OR10J1: variants seen among roughly 807,000 people sequenced by gnomAD.
OR10J1 encodes the protein olfactory receptor family 10 subfamily J member 1, also known as olfactory receptor 10J1.
For missense variants in OR10J1, 474 were observed against 376.6 expected (o/e 1.26, Z -2.14); for synonymous variants, 202 against 143.8 (o/e 1.40, Z -2.89).
chr1:159,427,741 G>T, the OR10J1 span, among the ~76,000 whole-genome samples: 1 of 152,004 alleles, frequency 6.6e-6, no homozygotes, highest in Non-Finnish European at 1.5e-5. Context: ...TAAAGAGGCT[G>T]CTAATTGCAA....
At chr1:159,412,937 A>C in the OR10J1 span, among the ~76,000 whole-genome samples, 4,010 of 152,146 alleles carry the variant, frequency 0.026, 174 homozygotes, top group African/African-American at 0.092. Context: ...CAACCTACTC[A>C]TCTGACAAAG....
chr1:159,401,675 A>G, the OR10J1 span, among the ~76,000 whole-genome samples: 1 of 151,772 alleles, frequency 6.6e-6, no homozygotes, highest in Non-Finnish European at 1.5e-5. Context: ...AACATTTAAA[A>G]AACTAATACC....
chr1:159,398,710 T>C, the OR10J1 span, among the ~76,000 whole-genome samples: 1 of 151,834 alleles, frequency 6.6e-6, no homozygotes, highest in East Asian at 1.9e-4. Context: ...AAATATACTG[T>C]CAGAGGAGAC....
chr1:159,439,933 A>G lies in OR10J1; in HGVS notation c.142A>G (p.Ile48Val), dbSNP rs1379147342. ...AGCAGGCAATATCATCATTGTGACCATCATCCGAATGGATCTTCATCTTCA... is the reference window on the plus strand; with the variant it reads ...AGCAGGCAATATCATCATTGTGACCGTCATCCGAATGGATCTTCATCTTCA... ...TLAGNIIIVT[I>V]IRMDLHLHTP... The change falls in exon 1 of 1, where the codon ATC becomes GTC. Residue 48 changes from isoleucine to valine, a missense_variant. Ile to Val is a conservative substitution (Grantham distance 29). Coordinates refer to ENST00000423932, the MANE Select transcript of OR10J1 (RefSeq NM_012351.3). 1.9e-6 allele frequency: 3 copies of G among 1,614,124 alleles called. No individual in the cohort carries two copies. Among genetic ancestry groups the G allele is most frequent in the Non-Finnish European group, 1.7e-6 (2 of 1,179,998 alleles).
the OR10J1 span, among the ~76,000 whole-genome samples, chr1:159,426,722 G>A: frequency 1.3e-5 from 2 of 151,628 alleles, no homozygotes; most frequent in African/African-American, 2.4e-5. Context: ...GATCCCAAAG[G>A]ATGTCTCAAT....
At chr1:159,433,753 C>T (rs71632665), upstream of OR10J1, among the ~76,000 whole-genome samples, 2,376 of 152,256 alleles carry the variant, frequency 0.016, 53 homozygotes, top group East Asian at 0.061. Flanking sequence ...TCTGCTTCTG[C>T]GGAACCTGAC....
the OR10J1 span, among the ~76,000 whole-genome samples, chr1:159,424,507 G>T: frequency 1.5e-3 from 223 of 150,450 alleles, 1 homozygote; most frequent in Middle Eastern, 0.025. Context: ...ACATGTATGT[G>T]TGTGTATATA....
At chr1:159,434,824 C>T (rs1315188991), upstream of OR10J1, among the ~76,000 whole-genome samples, 1 of 152,094 alleles carries the variant, frequency 6.6e-6, no homozygotes, top group East Asian at 1.9e-4. Flanking sequence ...TCAGTGCCTT[C>T]TCCACCACCA....
chr1:159,436,690 C>T (rs1283733919), upstream of OR10J1, among the ~76,000 whole-genome samples: 1 of 151,754 alleles, frequency 6.6e-6, no homozygotes, highest in East Asian at 1.9e-4. Context: ...AAAAGTATCA[C>T]TTCCTTAAGA....
chr1:159,402,986 A>T, the OR10J1 span, among the ~76,000 whole-genome samples: 3 of 152,144 alleles, frequency 2.0e-5, no homozygotes, highest in African/African-American at 7.2e-5. Context: ...TTTTAAACAA[A>T]GGTACCTAGA....
rs745771016 is a variant in OR10J1 at position 159,440,255 on chromosome 1, T to C, written c.464T>C (p.Val155Ala). 6.2e-7 allele frequency: 1 copy of C among 1,614,138 alleles called. No individual in the cohort carries two copies. The highest frequency in any genetic ancestry group is 1.1e-5 in the South Asian group (1 of 91,082). Residue 155 changes from valine (V) to alanine (A), a missense_variant, in exon 1 of 1, where the codon GTA (valine) becomes GCA (alanine). Transcript: ENST00000423932. ...GGGGCCTGCAGCATTGGGCTGATTG[T>C]AGCAATAACGCAAGTGACATCTGTA... ...VLGACSIGLI[V>A]AITQVTSVFR... is the part of the protein sequence containing the mutation.
At chr1:159,426,292 T>C in the OR10J1 span, among the ~76,000 whole-genome samples, 1 of 151,882 alleles carries the variant, frequency 6.6e-6, no homozygotes, top group Non-Finnish European at 1.5e-5. Context: ...AATCTACCAC[T>C]TCAATTTTTT....
At chr1:159,412,833 A>C in the OR10J1 span, among the ~76,000 whole-genome samples, 1 of 151,750 alleles carries the variant, frequency 6.6e-6, no homozygotes, top group African/African-American at 2.4e-5. Context: ...CAAAATTGAC[A>C]AATGGGATCT....
the OR10J1 span, among the ~76,000 whole-genome samples, chr1:159,418,617 G>T: frequency 6.6e-6 from 1 of 152,198 alleles, no homozygotes; most frequent in African/African-American, 2.4e-5. Context: ...GAGAACCTCT[G>T]CTTGGGCAGT....
the OR10J1 span, among the ~76,000 whole-genome samples, chr1:159,430,865 C>A: frequency 6.6e-6 from 1 of 152,202 alleles, no homozygotes; most frequent in East Asian, 1.9e-4. Context: ...ATGAAGTAGA[C>A]ATTATTATTC....
Position 159,439,848 on chromosome 1 carries a change from C to T in OR10J1, c.57C>T (p.Ser19=). ...ACTTTGTTTTCCAAGGTTTCTCTAG[C>T]TTCCATGAGCAGCAGATCACCCTTT... The part of the protein sequence containing the change: ...ITDFVFQGFS[S]FHEQQITLFG... The change falls in exon 1 of 1, where the codon AGC becomes AGT. Residue 19 remains serine, a synonymous_variant. Coordinates refer to ENST00000423932, the MANE Select transcript of OR10J1 (RefSeq NM_012351.3). 4 of 1,614,176 alleles carry T rather than the reference C, an allele frequency of 2.5e-6. No homozygotes were observed. The highest frequency in any genetic ancestry group is 3.4e-6 in the Non-Finnish European group (4 of 1,180,016).
At chr1:159,424,833 T>C in the OR10J1 span, among the ~76,000 whole-genome samples, 1 of 152,040 alleles carries the variant, frequency 6.6e-6, no homozygotes, top group African/African-American at 2.4e-5. Context: ...TATTTCAAAA[T>C]ACTTGAAAAA....
chr1:159,432,808 C>T, the OR10J1 span: 1 of 403,870 alleles, frequency 2.5e-6, no homozygotes, highest in Middle Eastern at 3.1e-4. Flanking sequence ...TTACTTTGCT[C>T]ATCAGTCTCT....
At chr1:159,430,668 T>TGTGTGTGTGCGCGC in the OR10J1 span, among the ~76,000 whole-genome samples, 845 of 69,674 alleles carry the variant, frequency 0.012, 13 homozygotes, top group African/African-American at 0.025. Context: ...TGTGTGTGTG[T>TGTGTGTGTGCGCGC]GCGCGCGCGC....
Sources: allele counts gnomAD v4.1 joint callset (sites outside exome capture counted in the v4.1 genomes callset), GRCh38; gene constraint gnomAD v4.1.1; transcripts MANE v1.5; gene names NCBI Gene and HGNC (gene_info 2026-07-23, HGNC 2026-07-21).